Variants in ADAMTSL1 observed in about 807,000 individuals in gnomAD.
ADAMTSL1 encodes ADAMTS-like protein 1.
ADAMTSL1 carries 126 observed loss-of-function variants against 201.8 expected under a neutral mutation model. That is an observed-to-expected ratio of 0.62 (90% confidence interval 0.54 to 0.72). The LOEUF (loss-of-function observed/expected upper bound fraction) is 0.72, where lower values mean the gene tolerates loss of function less well. ADAMTSL1 is among the 30% of genes least tolerant of loss of function. The probability of loss-of-function intolerance (pLI) is 0.00; values close to 1 mark genes in which losing one functional copy is unlikely to be tolerated. For missense variants in ADAMTSL1, 2,679 were observed against 2,277.8 expected (o/e 1.18, Z -3.59); for synonymous variants, 1,121 against 903.4 (o/e 1.24, Z -4.32).
At chr9:18,415,400 T>A (rs1818630494) in intron 2 of ADAMTSL1, among the ~76,000 whole-genome samples, 1 of 152,024 alleles carries the variant, frequency 6.6e-6, no homozygotes. Flanking sequence ...AACTTTAATA[T>A]CCAAGAGAAA....
chr9:18,649,601 C>T (rs542336026), intron 7 of ADAMTSL1, among the ~76,000 whole-genome samples: 6 of 152,166 alleles, frequency 3.9e-5, no homozygotes, highest in African/African-American at 1.2e-4. Context: ...AGTTTTCCTT[C>T]TAACAGACAG....
chr9:18,058,263 C>T (rs1822284127), intron 1 of ADAMTSL1, among the ~76,000 whole-genome samples: 1 of 152,118 alleles, frequency 6.6e-6, no homozygotes, highest in African/African-American at 2.4e-5. Flanking sequence ...GATAAATCTC[C>T]TCATCCCTAG....
At chr9:18,655,413 A>G (rs1828563155) in intron 7 of ADAMTSL1, among the ~76,000 whole-genome samples, 1 of 152,000 alleles carries the variant, frequency 6.6e-6, no homozygotes, top group Non-Finnish European at 1.5e-5. Context: ...TGGTTCAAAT[A>G]CTCTTTTTTA....
chr9:17,934,899 CT>C (rs1308851905), intron 1 of ADAMTSL1, among the ~76,000 whole-genome samples: 5 of 19,478 alleles, frequency 2.6e-4, no homozygotes, highest in African/African-American at 5.1e-4. Flanking sequence ...ATCCTATTTC[CT>C]TTAAAAAAAA....
At chr9:17,951,767 A>C (rs1827736872) in intron 1 of ADAMTSL1, among the ~76,000 whole-genome samples, 1 of 151,648 alleles carries the variant, frequency 6.6e-6, no homozygotes, top group Non-Finnish European at 1.5e-5. Context: ...ATTTTATGAT[A>C]TATTTTGTTC....
intron 2 of ADAMTSL1, among the ~76,000 whole-genome samples, chr9:18,506,333 AG>A (rs1268173436): frequency 1.3e-5 from 2 of 152,264 alleles, no homozygotes; most frequent in African/African-American, 4.8e-5. Flanking sequence ...AAAGCCAAAA[AG>A]TATAAATTTA....
At position 17,974,234 on chromosome 9, in the gene ADAMTSL1, A is replaced by T. The variant is rs143078104; in HGVS notation, c.87+67312A>T. ...CACTCCTATTCAACATAGTGTTGGC[A>T]GTTCTGGCCAGGGCAATCAGGCAGG... On this transcript the variant is annotated intron_variant, in intron 1 of 29. Coordinates refer to the ADAMTSL1 transcript ENST00000680146. Among the ~76,000 whole-genome samples the T allele has an allele frequency of 7.7e-3, 1,172 of 152,154 alleles. 7 individuals carry two copies. The highest frequency in any genetic ancestry group is 0.01 in the Non-Finnish European group (699 of 67,980).
intron 5 of ADAMTSL1, among the ~76,000 whole-genome samples, chr9:18,626,462 G>A (rs145590479): frequency 3.9e-5 from 6 of 152,264 alleles, no homozygotes; most frequent in East Asian, 1.9e-4. Context: ...AAGTGCAGAC[G>A]TCCTGTGGTA....
chr9:18,810,303 A>T (rs1823421741), intron 20 of ADAMTSL1, among the ~76,000 whole-genome samples: 1 of 152,220 alleles, frequency 6.6e-6, no homozygotes, highest in Non-Finnish European at 1.5e-5. Context: ...TCAGAACATT[A>T]TTCAAGTTTC....
intron 1 of ADAMTSL1, among the ~76,000 whole-genome samples, chr9:18,488,594 C>T (rs1456123043): frequency 6.6e-6 from 1 of 152,168 alleles, no homozygotes; most frequent in African/African-American, 2.4e-5. Context: ...GCCTGTAAAA[C>T]AGGGGTCAAC....
intron 23 of ADAMTSL1, among the ~76,000 whole-genome samples, chr9:18,844,418 G>C (rs557881570): frequency 1.2e-4 from 19 of 152,224 alleles, no homozygotes; most frequent in African/African-American, 4.3e-4. Flanking sequence ...AGGAGTACCC[G>C]GCCGTGTAAG....
chr9:18,169,969 C>A (rs966371150), intron 2 of ADAMTSL1, among the ~76,000 whole-genome samples: 1 of 152,026 alleles, frequency 6.6e-6, no homozygotes, highest in Admixed American at 6.6e-5. Context: ...CTACCTTGGG[C>A]AAATACAGGG....
chr9:18,043,546 C>T (rs1490127199), intron 1 of ADAMTSL1, among the ~76,000 whole-genome samples: 1 of 152,064 alleles, frequency 6.6e-6, no homozygotes, highest in African/African-American at 2.4e-5. Flanking sequence ...TGTTCACCAA[C>T]CTACTAGATG....
In ADAMTSL1 at chr9:18,563,764, C is replaced by T. The variant is rs780171337; in HGVS notation, c.238-10266C>T. ...TGGCTACAGCAGCTTTGCGTAGCTG[C>T]GGTGGGCTCTGCCCAGTTCAAACCT... On this transcript the variant is annotated intron_variant, in intron 3 of 28. Transcript: ENST00000380548. Among the ~76,000 whole-genome samples, 7 of 152,268 alleles carry T rather than the reference C, an allele frequency of 4.6e-5. No homozygotes were observed. The East Asian group carries it at 5.8e-4, about 13-fold the overall frequency.
Position 18,675,888 on chromosome 9 carries a change from C to G in ADAMTSL1, c.1117C>G (p.Leu373Val), listed in dbSNP as rs747624252. 1.2e-6 allele frequency: 2 copies of G among 1,613,194 alleles called. No individual in the cohort carries two copies. The highest frequency in any genetic ancestry group is 1.7e-5 in the Admixed American group (1 of 59,996). ...DGYKQIMPYD[L>V]YHPLPRWEAT... ...ATACAAGCAGATCATGCCTTATGACCTCTACCATCCCCTTCCTCGGTACGT... is the reference window on the plus strand; with the variant it reads ...ATACAAGCAGATCATGCCTTATGACGTCTACCATCCCCTTCCTCGGTACGT... The change falls in exon 10 of 29, where the codon CTC becomes GTC. Residue 373 changes from leucine (L) to valine (V), a missense_variant. Physicochemically the swap from Leu to Val is conservative, Grantham distance 32 (BLOSUM62 1). Transcript: ENST00000380548.
intron 2 of ADAMTSL1, among the ~76,000 whole-genome samples, chr9:18,231,649 A>G (rs992470645): frequency 4.6e-5 from 7 of 152,132 alleles, no homozygotes; most frequent in Non-Finnish European, 4.4e-5. Context: ...CTCTGCTCTG[A>G]ACAGCTTCCC....
intron 13 of ADAMTSL1, among the ~76,000 whole-genome samples, chr9:18,702,076 C>T (rs949972817): frequency 2.6e-5 from 4 of 152,104 alleles, no homozygotes; most frequent in South Asian, 4.1e-4. Flanking sequence ...AAAGAGAGCT[C>T]GTGCAGAGAA....
intron 19 of ADAMTSL1, among the ~76,000 whole-genome samples, chr9:18,787,094 T>C (rs532215968): frequency 6.6e-6 from 1 of 152,286 alleles, no homozygotes; most frequent in Non-Finnish European, 1.5e-5. Context: ...AGTTTCCAAG[T>C]TTGCAGATAA....
At chr9:17,936,573 G>C (rs913323317) in intron 1 of ADAMTSL1, among the ~76,000 whole-genome samples, 1 of 152,172 alleles carries the variant, frequency 6.6e-6, no homozygotes, top group African/African-American at 2.4e-5. Flanking sequence ...GTGAATGTGG[G>C]CAGGGCTGCC....
Sources: allele counts gnomAD v4.1 joint callset (sites outside exome capture counted in the v4.1 genomes callset), GRCh38; gene constraint gnomAD v4.1.1; transcripts MANE v1.5; gene names NCBI Gene and HGNC (gene_info 2026-07-23, HGNC 2026-07-21).